Variants in DIXDC1 observed in about 807,000 individuals in gnomAD.
DIXDC1 encodes the protein DIX domain containing 1, also known as dixin.
Under a neutral mutation model 103.1 loss-of-function variants are expected in DIXDC1, and 64 were observed. That is an observed-to-expected ratio of 0.62 (90% CI 0.51 to 0.76). The LOEUF is 0.76. DIXDC1 is among the 30% of genes least tolerant of loss of function. DIXDC1 has a pLI of 0.00. For missense variants in DIXDC1, 759 were observed against 834.2 expected, an observed-to-expected ratio of 0.91 and a Z score of 1.11; for synonymous variants, 266 against 298.5, an observed-to-expected ratio of 0.89 and a Z score of 1.12.
At chr11:111,941,872 A>ACACACACACC (rs1169037989) in intron 1 of DIXDC1, among the ~76,000 whole-genome samples, 1 of 150,934 alleles carries the variant, frequency 6.6e-6, no homozygotes, top group African/African-American at 2.4e-5. Flanking sequence ...ACACACACAC[A>ACACACACACC]CCCACGAAGA....
rs376156686 is a variant in DIXDC1, at chr11:111,993,750, A to G, written c.1437+10A>G. 3 of 1,613,266 alleles carry G rather than the reference A, an allele frequency of 1.9e-6. No homozygotes were observed. Among genetic ancestry groups the G allele is most frequent in the Non-Finnish European group, 2.5e-6 (3 of 1,179,672 alleles). ...AAGAGAGGCAGATGAGGTAACCTAG[A>G]CCCCGTGTTCTCCCTCCCACATTTA... On this transcript the variant is annotated intron_variant, in intron 14 of 19. Transcript: ENST00000440460.
At chr11:111,937,137 G>GGTGT (rs1326620107), upstream of DIXDC1, 1 of 736,326 alleles carries the variant, frequency 1.4e-6, no homozygotes, top group Admixed American at 6.3e-5. Context: ...CGGGCGGGGG[G>GGTGT]GGGGTGTGCG....
At chr11:111,983,727 C>T (rs1566528789) in intron 7 of DIXDC1, among the ~76,000 whole-genome samples, 1 of 152,102 alleles carries the variant, frequency 6.6e-6, no homozygotes, top group African/African-American at 2.4e-5. Context: ...GCAGATTAGA[C>T]AGAAAAAGAA....
At chr11:111,943,910 C>T (rs182260394) in intron 1 of DIXDC1, among the ~76,000 whole-genome samples, 25 of 152,206 alleles carry the variant, frequency 1.6e-4, no homozygotes, top group African/African-American at 4.6e-4. Flanking sequence ...AAGAACCTGT[C>T]CATGAAAGGA....
At chr11:111,944,871 C>T (rs1966541115) in intron 1 of DIXDC1, among the ~76,000 whole-genome samples, 1 of 152,226 alleles carries the variant, frequency 6.6e-6, no homozygotes, top group Non-Finnish European at 1.5e-5. Context: ...ACATTTATTA[C>T]ACTGGCATCC....
At chr11:111,957,120 T>A (rs1555170653) in intron 1 of DIXDC1, among the ~76,000 whole-genome samples, 1 of 152,112 alleles carries the variant, frequency 6.6e-6, no homozygotes. Context: ...CACAGTGAGC[T>A]GTGTTTGTGC....
Position 112,022,123 on chromosome 11 carries a change from G to A in DIXDC1, c.*3087G>A, listed in dbSNP as rs1275743739. ...ATTTGTTTTAAACTTACTTGGTAAT[G>A]GCACTTCTACTTACTGACCAACTTT... On this transcript the variant is annotated 3_prime_UTR_variant, in exon 20 of 20. Transcript: ENST00000440460. The surrounding 1 kb of genome is among the most constrained non-coding windows in gnomAD (Gnocchi z 4.9). 2.0e-5 allele frequency: 3 copies of A among 152,126 alleles called. No homozygotes were observed. Among genetic ancestry groups the A allele is most frequent in the Non-Finnish European group, 2.9e-5 (2 of 68,032 alleles). The allele number at this position is 152,126 out of a possible 1,614,324, so 9.4% of individuals were successfully genotyped here. A position where few individuals can be genotyped will look rare whatever the true frequency, so the allele number is the denominator to read the frequency against.
In DIXDC1 at chr11:111,995,397, C is replaced by T. The variant is rs1555175218; in HGVS notation, c.1528-6C>T. On this transcript the variant is annotated splice_region_variant and splice_polypyrimidine_tract_variant and intron_variant, in intron 15 of 19. Transcript: ENST00000440460. ...CATGCCAGCAACACCTTATTTTTGC[C>T]CACAGACCAGCGACCTGCAGCTTGT... is the stretch of plus-strand genomic sequence containing the variant. 3.7e-6 allele frequency: 6 copies of T among 1,610,494 alleles called. No individual in the cohort carries two copies. In the South Asian group the frequency reaches 5.5e-5, roughly 15 times the overall value.
chr11:112,017,596 C>T lies in DIXDC1; in HGVS notation c.1863-181C>T, dbSNP rs1861631642. The T allele has an allele frequency of 2.1e-5, 10 of 469,282 alleles. No individual in the cohort carries two copies. Among genetic ancestry groups the T allele is most frequent in the East Asian group, 7.1e-5 (2 of 28,220 alleles). The allele number at this position is 469,282 out of a possible 1,614,324, so 29.1% of individuals were successfully genotyped here. A position where few individuals can be genotyped will look rare whatever the true frequency, so the allele number is the denominator to read the frequency against. ...CCCATATTTAATACTGTTTTCATTCCCTAGTGATGACTGGTTCTCCAGCCT... is the reference window on the plus strand; with the variant it reads ...CCCATATTTAATACTGTTTTCATTCTCTAGTGATGACTGGTTCTCCAGCCT... On this transcript the variant is annotated intron_variant, in intron 18 of 19. Coordinates refer to ENST00000440460, the MANE Select transcript of DIXDC1 (RefSeq NM_001037954.4). This position sits in a 1 kb window ranked among gnomAD's most constrained non-coding sequence, Gnocchi z 4.0.
chr11:111,967,647 G>A (rs1859783167), intron 2 of DIXDC1, among the ~76,000 whole-genome samples: 1 of 152,178 alleles, frequency 6.6e-6, no homozygotes. Flanking sequence ...GCCCAGGCTA[G>A]TCTTGAACTC....
intron 2 of DIXDC1, among the ~76,000 whole-genome samples, chr11:111,932,258 C>CA (rs1290498792): frequency 6.6e-6 from 1 of 150,872 alleles, no homozygotes; most frequent in African/African-American, 2.4e-5. Flanking sequence ...ACTGGTCTCT[C>CA]AACTCCTGAC....
intron 15 of DIXDC1, 29 bp downstream of exon 15, chr11:111,995,137 T>G: frequency 6.2e-7 from 1 of 1,604,924 alleles, no homozygotes; most frequent in Non-Finnish European, 8.5e-7. Flanking sequence ...GATGGAGTCC[T>G]GCCACTTCTC....
Position 112,020,652 on chromosome 11 carries a change from T to G in DIXDC1, c.*1616T>G, listed in dbSNP as rs1861727274. 6.6e-6 allele frequency: 1 copy of G among 152,216 alleles called. No individual in the cohort carries two copies. The highest frequency in any genetic ancestry group is 1.5e-5 in the Non-Finnish European group (1 of 68,034). 9.4% of individuals were successfully genotyped at this position (152,216 alleles called of 1,614,324 possible). On this transcript the variant is annotated 3_prime_UTR_variant, in exon 20 of 20. Transcript: ENST00000440460. Reference sequence around the variant, plus strand: ...CTTGTGGTTTCAGAACAAGCTTTATTTTATTACGAGTATATTAATGACAAC... The same window carrying G: ...CTTGTGGTTTCAGAACAAGCTTTATGTTATTACGAGTATATTAATGACAAC...
rs1555173930 is a variant in DIXDC1 at position 111,986,919 on chromosome 11, T to C, written c.1057T>C (p.Leu353=). The stretch of plus-strand genomic sequence containing the variant: ...TCAGAGTATGGAGGAGAATCAGGAC[T>C]TAAAGGTATGTCAAGACATGTACAT... The part of the protein sequence containing the change: ...LDQSMEENQD[L]KKELLKCKQE... Residue 353 remains leucine, a synonymous_variant, in exon 9 of 20, where the codon TTA becomes CTA. Transcript: ENST00000440460. The C allele has an allele frequency of 6.3e-7, 1 of 1,576,544 alleles. No individual in the cohort carries two copies. The highest frequency in any genetic ancestry group is 1.7e-4 in the Middle Eastern group (1 of 6,006).
At chr11:111,982,609 A>G (rs1860351403) in intron 7 of DIXDC1, 122 bp downstream of exon 7, 6 of 1,056,962 alleles carry the variant, frequency 5.7e-6, no homozygotes, top group Non-Finnish European at 8.1e-6. Context: ...GAGTTTAGAT[A>G]TAGGGAATAG....
At chr11:112,014,874 C>T (rs977956482) in intron 17 of DIXDC1, among the ~76,000 whole-genome samples, 13 of 151,434 alleles carry the variant, frequency 8.6e-5, no homozygotes, top group Non-Finnish European at 1.5e-4. Flanking sequence ...ATGTAGGTTA[C>T]AATAATTGGC....
At chr11:111,927,843 C>T (rs1555167204) in intron 1 of DIXDC1, among the ~76,000 whole-genome samples, 2 of 151,506 alleles carry the variant, frequency 1.3e-5, no homozygotes, top group African/African-American at 4.9e-5. Context: ...TGGTGAAACC[C>T]CGTCTCTACT....
At position 111,982,381 on chromosome 11, in the gene DIXDC1, G is replaced by A. The variant is rs371511377; in HGVS notation, c.812G>A (p.Ser271Asn). ...SPLSRDWRPG[S>N]PGTYLETSWE... The stretch of plus-strand genomic sequence containing the variant: ...TTATCTCGAGACTGGCGGCCAGGGA[G>A]CCCTGGAACCTATCTGGAGACCTCA... The change falls in exon 7 of 20, where the codon AGC (serine) becomes AAC (asparagine). Residue 271 changes from serine (S) to asparagine (N), a missense_variant. This residue lies in a region of DIXDC1 where 657 missense variants were observed against 727.5 expected (regional missense o/e 0.90). Transcript: ENST00000440460. 2 of 1,613,862 alleles carry A rather than the reference G, an allele frequency of 1.2e-6. No homozygotes were observed. Among genetic ancestry groups the A allele is most frequent in the East Asian group, 4.5e-5 (2 of 44,898 alleles).
In DIXDC1 at chr11:111,993,481, C is replaced by T; in HGVS notation, c.1273-15C>T. The T allele has an allele frequency of 1.2e-6, 2 of 1,613,944 alleles. No homozygotes were observed. The highest frequency in any genetic ancestry group is 1.7e-6 in the Non-Finnish European group (2 of 1,179,840). On this transcript the variant is annotated splice_polypyrimidine_tract_variant and intron_variant, in intron 12 of 19. Transcript: ENST00000440460. ...TGGTTTTGCCGCTCATCTTAAAGCTCTATCTTTATTGCAGAAAGAGCTGGG... is the reference window on the plus strand; with the variant it reads ...TGGTTTTGCCGCTCATCTTAAAGCTTTATCTTTATTGCAGAAAGAGCTGGG...
Sources: gnomAD v4.1 joint callset for allele counts (sites outside exome capture counted in the v4.1 genomes callset) on GRCh38, gnomAD v4.1.1 for gene constraint, gnomAD v4.1.1 regional missense constraint, Gnocchi (gnomAD v3.1) non-coding constraint, MANE v1.5 for transcripts, NCBI Gene and HGNC (gene_info 2026-07-23, HGNC 2026-07-21) for gene names.